Variants in SPHKAP observed in about 807,000 individuals in gnomAD.
The protein encoded by SPHKAP is A-kinase anchor protein SPHKAP.
Under a neutral mutation model 137.5 loss-of-function variants are expected in SPHKAP, and 67 were observed. The observed-to-expected ratio is 0.49, with a 90% CI of 0.40 to 0.60. The LOEUF is 0.60. Ranked by LOEUF, SPHKAP falls within the 20% of genes least tolerant of loss-of-function variation. The pLI is 0.00. For synonymous variants in SPHKAP, 813 were observed against 785.3 expected, an observed-to-expected ratio of 1.04 and a Z score of -0.59; for missense variants, 2,097 against 2,069.3, an observed-to-expected ratio of 1.01 and a Z score of -0.26.
At chr2:228,076,292 C>T (rs764252353) in intron 3 of SPHKAP, among the ~76,000 whole-genome samples, 11 of 152,124 alleles carry the variant, frequency 7.2e-5, no homozygotes, top group Non-Finnish European at 1.3e-4. Context: ...ACCAGTAGAG[C>T]GAAGTGCTGC....
chr2:227,993,105 T>C (rs1693478700), intron 9 of SPHKAP, among the ~76,000 whole-genome samples: 1 of 152,150 alleles, frequency 6.6e-6, no homozygotes, highest in African/African-American at 2.4e-5. Context: ...CCATGTAATA[T>C]TAGACACATT....
intron 11 of SPHKAP, among the ~76,000 whole-genome samples, chr2:227,985,422 C>T (rs572271696): frequency 1.3e-5 from 2 of 152,218 alleles, no homozygotes; most frequent in African/African-American, 4.8e-5. Flanking sequence ...CATTCTAGTT[C>T]TTTACCGGGC....
intron 11 of SPHKAP, among the ~76,000 whole-genome samples, chr2:227,986,068 C>T (rs1164119829): frequency 6.6e-6 from 1 of 152,110 alleles, no homozygotes; most frequent in Non-Finnish European, 1.5e-5. Context: ...CATTGGAGTT[C>T]GTAAAACCTC....
chr2:228,166,372 A>T (rs893413071), intron 1 of SPHKAP, among the ~76,000 whole-genome samples: 1 of 152,220 alleles, frequency 6.6e-6, no homozygotes, highest in Non-Finnish European at 1.5e-5. Context: ...AACATTTAGT[A>T]TGACACCTAG....
chr2:228,017,890 G>A lies in SPHKAP; in HGVS notation c.2964C>T (p.Ser988=), dbSNP rs771825169. The A allele has an allele frequency of 1.9e-5, 31 of 1,613,904 alleles. No individual in the cohort carries two copies. In the Admixed American group the frequency reaches 3.3e-4, roughly 17 times the overall value. Residue 988 remains serine (S), a synonymous_variant, in exon 7 of 12, where the codon AGC becomes AGT. Transcript: ENST00000392056. The stretch of plus-strand genomic sequence containing the variant: ...GCTTGTGTTTCCTCACAGCGGTCCC[G>A]CTCCCCTGGCTCTCTTTCTTCCTCT... ...SLKRKKESQG[S]GTAVRKHKPP...
chr2:228,157,820 G>C (rs996082476), intron 1 of SPHKAP, among the ~76,000 whole-genome samples: 2 of 152,136 alleles, frequency 1.3e-5, no homozygotes, highest in African/African-American at 4.8e-5. Flanking sequence ...AGACTGTTTA[G>C]GTGGCCACAG....
At chr2:228,016,071 T>C (rs1305911329) in intron 7 of SPHKAP, among the ~76,000 whole-genome samples, 3 of 152,178 alleles carry the variant, frequency 2.0e-5, no homozygotes, top group Non-Finnish European at 4.4e-5. Context: ...CTTACTTCTT[T>C]GGTTATATAG....
chr2:228,122,467 G>A (rs1698943213), intron 2 of SPHKAP, among the ~76,000 whole-genome samples: 1 of 152,174 alleles, frequency 6.6e-6, no homozygotes, highest in African/African-American at 2.4e-5. Context: ...GTGGAGTTCA[G>A]AGTCCAGAAG....
intron 3 of SPHKAP, among the ~76,000 whole-genome samples, chr2:228,084,790 G>T (rs768670217): frequency 1.3e-5 from 2 of 152,172 alleles, no homozygotes; most frequent in African/African-American, 4.8e-5. Flanking sequence ...CTTAGGTGAA[G>T]AATGAGAAAG....
intron 3 of SPHKAP, among the ~76,000 whole-genome samples, chr2:228,084,262 G>A (rs1697467374): frequency 6.6e-6 from 1 of 152,032 alleles, no homozygotes; most frequent in South Asian, 2.1e-4. Flanking sequence ...ATGGCCTCTT[G>A]ACATTAATAA....
At chr2:228,005,811 C>T (rs1379713926) in intron 7 of SPHKAP, among the ~76,000 whole-genome samples, 1 of 152,164 alleles carries the variant, frequency 6.6e-6, no homozygotes, top group African/African-American at 2.4e-5. Flanking sequence ...ACTTATGAAG[C>T]TTAGTTTGGC....
intron 1 of SPHKAP, among the ~76,000 whole-genome samples, chr2:228,138,558 A>G (rs1699503476): frequency 6.6e-6 from 1 of 152,200 alleles, no homozygotes; most frequent in African/African-American, 2.4e-5. Context: ...AAGACCTACA[A>G]AATCCTCATT....
At chr2:228,089,722 C>T (rs948168161) in intron 3 of SPHKAP, among the ~76,000 whole-genome samples, 15 of 152,202 alleles carry the variant, frequency 9.9e-5, no homozygotes, top group Non-Finnish European at 2.2e-4. Context: ...ACATCCCTGC[C>T]TCTCTGCACC....
intron 7 of SPHKAP, among the ~76,000 whole-genome samples, chr2:228,000,137 C>A (rs1483690459): frequency 6.6e-6 from 1 of 152,206 alleles, no homozygotes; most frequent in African/African-American, 2.4e-5. Flanking sequence ...TTTTGCCTTT[C>A]TTGAGACTGT....
chr2:227,986,811 G>A (rs1693228845), intron 11 of SPHKAP, among the ~76,000 whole-genome samples: 1 of 152,118 alleles, frequency 6.6e-6, no homozygotes, highest in Admixed American at 6.5e-5. Context: ...CCAATTTACT[G>A]TGAGAGGCAA....
chr2:228,109,956 CAAAAAAAA>C (rs11440513), intron 2 of SPHKAP, among the ~76,000 whole-genome samples: 2 of 56,286 alleles, frequency 3.6e-5, no homozygotes, highest in African/African-American at 1.5e-4. Context: ...GAAAATGTCT[CAAAAAAAA>C]AAAAAAAAAA....
At chr2:228,061,574 A>G (rs762844953) in intron 3 of SPHKAP, among the ~76,000 whole-genome samples, 2 of 150,874 alleles carry the variant, frequency 1.3e-5, no homozygotes, top group African/African-American at 2.4e-5. Context: ...GCCCGACCTA[A>G]TTATTATTAT....
chr2:228,062,546 A>G (rs56113250), intron 3 of SPHKAP, among the ~76,000 whole-genome samples: 3,839 of 152,256 alleles, frequency 0.025, 75 homozygotes, highest in Non-Finnish European at 0.037. Flanking sequence ...GTTCTTGAAC[A>G]GTCATTTTTT....
intron 3 of SPHKAP, among the ~76,000 whole-genome samples, chr2:228,088,162 T>C (rs147536175): frequency 1.3e-5 from 2 of 152,202 alleles, no homozygotes; most frequent in African/African-American, 2.4e-5. Flanking sequence ...ATTGTAAATA[T>C]AAAAAATTCT....
Sources: gnomAD v4.1 joint callset for allele counts (sites outside exome capture counted in the v4.1 genomes callset) on GRCh38, gnomAD v4.1.1 for gene constraint, MANE v1.5 for transcripts, NCBI Gene and HGNC (gene_info 2026-07-23, HGNC 2026-07-21) for gene names.